Variants in MYPN observed in about 807,000 individuals in gnomAD.
MYPN encodes sarcomeric protein myopalladin, 145 kDa (MYOP).
Under a neutral mutation model 129.4 loss-of-function variants are expected in MYPN, and 63 were observed. The observed-to-expected ratio is 0.49, with a 90% CI of 0.40 to 0.60. The LOEUF is 0.60. Among genes scored for constraint, MYPN ranks in the 20% least tolerant of loss-of-function variants. The pLI, the probability that MYPN is intolerant of heterozygous loss-of-function variation, is 0.00. For synonymous variants in MYPN, 629 were observed against 600.9 expected, an observed-to-expected ratio of 1.05 and a Z score of -0.68; for missense variants, 1,596 against 1,635.4, an observed-to-expected ratio of 0.98 and a Z score of 0.42.
chr10:68,099,187 G>C (rs58173384), intron 1 of MYPN, among the ~76,000 whole-genome samples: 27,817 of 151,982 alleles, frequency 0.18, 4,425 homozygotes, highest in African/African-American at 0.42. Flanking sequence ...ATTTGGGGTG[G>C]CTCCCAAAAT....
At chr10:68,131,630 G>C (rs1397098747) in intron 2 of MYPN, among the ~76,000 whole-genome samples, 1 of 152,128 alleles carries the variant, frequency 6.6e-6, no homozygotes, top group Middle Eastern at 3.2e-3. Context: ...CCTCCTGCCT[G>C]GTTGTCCTGA....
intron 12 of MYPN, among the ~76,000 whole-genome samples, chr10:68,180,847 C>T (rs992281672): frequency 1.3e-5 from 2 of 152,176 alleles, no homozygotes; most frequent in African/African-American, 4.8e-5. Context: ...TTTGAAGAAA[C>T]TTTTTGCTGA....
Position 68,165,739 on chromosome 10 carries a change from A to C in MYPN, c.1521A>C (p.Ala507=). ...ICTLVIAEVF[A]EDSGCFTCTA... is the part of the protein sequence containing the mutation. ...CCTTGGTCATTGCTGAGGTGTTTGC[A>C]GAAGATTCTGGGTGCTTCACATGTA... is the stretch of plus-strand genomic sequence containing the variant. The change falls in exon 9 of 20, where the codon GCA becomes GCC. Residue 507 remains alanine (A), a synonymous_variant. Transcript: ENST00000358913. 6.2e-7 allele frequency: 1 copy of C among 1,614,206 alleles called. No homozygotes were observed. The highest frequency in any genetic ancestry group is 8.5e-7 in the Non-Finnish European group (1 of 1,180,018).
rs1415606478 is a variant in MYPN, at chr10:68,211,195, C to G, written c.*740C>G. 2.2e-6 allele frequency: 1 copy of G among 453,974 alleles called. No individual in the cohort carries two copies. Among genetic ancestry groups the G allele is most frequent in the Non-Finnish European group, 4.4e-6 (1 of 226,776 alleles). The allele number at this position is 453,974 out of a possible 1,614,324, so 28.1% of individuals were successfully genotyped here. On this transcript the variant is annotated 3_prime_UTR_variant, in exon 20 of 20. Transcript: ENST00000358913. ...CTGTTTTTTTCTGACTTTGCATATC[C>G]CTAGACACTAGAACTAAAGGATTGG...
At chr10:68,165,854 T>A (rs114650746) in intron 9 of MYPN, 36 bp downstream of exon 9, 1 of 1,503,956 alleles carries the variant, frequency 6.6e-7, no homozygotes, top group African/African-American at 1.4e-5. Flanking sequence ...GTTTAGCCTA[T>A]GACTTTGAGT....
At chr10:68,091,057 A>T (rs1215732757) in intron 1 of MYPN, among the ~76,000 whole-genome samples, 1 of 152,222 alleles carries the variant, frequency 6.6e-6, no homozygotes, top group Non-Finnish European at 1.5e-5. Flanking sequence ...GTTTTAAAGC[A>T]AACCAAACAG....
In MYPN at chr10:68,175,371, G is replaced by A; in HGVS notation, c.2613G>A (p.Val871=). The A allele has an allele frequency of 6.2e-7, 1 of 1,614,092 alleles. No homozygotes were observed. Among genetic ancestry groups the A allele is most frequent in the African/African-American group, 1.3e-5 (1 of 75,038 alleles). ...AKKNTKSPQP[V]NDDNIRETKN... ...AAAATACAAAGTCTCCTCAACCAGT[G>A]AATGATGATAACATTCGTGAAACTA... Residue 871 remains valine, a synonymous_variant, in exon 12 of 20, where the codon GTG becomes GTA. Transcript: ENST00000358913.
upstream of MYPN, among the ~76,000 whole-genome samples, chr10:68,101,914 C>T (rs989100487): frequency 3.3e-5 from 5 of 151,920 alleles, no homozygotes; most frequent in Non-Finnish European, 7.4e-5. Flanking sequence ...ATTTACTTAT[C>T]CCTATTGACT....
At chr10:68,158,906 T>C (rs1306582659) in intron 7 of MYPN, among the ~76,000 whole-genome samples, 2 of 18,744 alleles carry the variant, frequency 1.1e-4, no homozygotes, top group Non-Finnish European at 3.6e-4. Flanking sequence ...GCCTCCTTAC[T>C]TTTTTTTTTT....
intron 17 of MYPN, among the ~76,000 whole-genome samples, chr10:68,200,766 AAAG>A (rs1457440349): frequency 2.6e-5 from 4 of 152,050 alleles, no homozygotes; most frequent in Non-Finnish European, 2.9e-5. Flanking sequence ...TCAAAAAAAA[AAAG>A]AAGAAGAAAT....
At chr10:68,118,284 T>C (rs1477208191) in intron 1 of MYPN, among the ~76,000 whole-genome samples, 2 of 152,206 alleles carry the variant, frequency 1.3e-5, no homozygotes, top group Non-Finnish European at 2.9e-5. Flanking sequence ...CCCATTATAG[T>C]GGCAAGCCCT....
chr10:68,160,294 G>GGT (rs2042952227), intron 7 of MYPN, among the ~76,000 whole-genome samples: 5 of 151,840 alleles, frequency 3.3e-5, no homozygotes, highest in African/African-American at 1.2e-4. Flanking sequence ...AGCCGGGTGT[G>GGT]GTGGCACGCA....
rs538075104 is a variant in MYPN, at chr10:68,113,873, A to G, written c.-2+4150A>G. Among the ~76,000 whole-genome samples, 226 of 152,306 alleles carry G rather than the reference A, an allele frequency of 1.5e-3. 1 individual carries two copies. The highest frequency in any genetic ancestry group is 4.8e-3 in the African/African-American group (199 of 41,564). ...CTAATTAATATATCCATAGCCTCAC[A>G]TACTTACCACTTTTTTGTGTGGTGA... On this transcript the variant is annotated intron_variant, in intron 1 of 19. Coordinates refer to ENST00000358913, the MANE Select transcript of MYPN (RefSeq NM_032578.4).
chr10:68,137,706 T>C (rs2134046596), intron 2 of MYPN, among the ~76,000 whole-genome samples: 1 of 152,316 alleles, frequency 6.6e-6, no homozygotes, highest in Middle Eastern at 3.4e-3. Flanking sequence ...TTTCCAAACT[T>C]CTAATTTTCC....
At chr10:68,152,429 A>C (rs980730091) in intron 6 of MYPN, among the ~76,000 whole-genome samples, 1 of 152,038 alleles carries the variant, frequency 6.6e-6, no homozygotes, top group African/African-American at 2.4e-5. Flanking sequence ...GTGTGCGCTA[A>C]GAATTTCATT....
intron 12 of MYPN, among the ~76,000 whole-genome samples, chr10:68,176,486 C>G (rs757579602): frequency 4.6e-5 from 7 of 152,250 alleles, no homozygotes; most frequent in Non-Finnish European, 8.8e-5. Context: ...TCTCGACTTC[C>G]CAGACCATAT....
intron 1 of MYPN, among the ~76,000 whole-genome samples, chr10:68,119,825 C>T (rs1327841881): frequency 1.3e-5 from 2 of 152,206 alleles, no homozygotes; most frequent in Non-Finnish European, 2.9e-5. Context: ...AAATATTTTA[C>T]TGTGGATGGT....
intron 12 of MYPN, among the ~76,000 whole-genome samples, chr10:68,175,997 C>G (rs1329641909): frequency 6.6e-6 from 1 of 152,148 alleles, no homozygotes; most frequent in African/African-American, 2.4e-5. Flanking sequence ...CCTGCCTCAG[C>G]CTTCCAAAGT....
intron 12 of MYPN, 138 bp downstream of exon 12, chr10:68,175,599 A>C: frequency 1.1e-6 from 1 of 942,454 alleles, no homozygotes; most frequent in Non-Finnish European, 1.7e-6. Context: ...AGACTAACCA[A>C]AGGTCATGTG....
Sources: allele counts gnomAD v4.1 joint callset (sites outside exome capture counted in the v4.1 genomes callset), GRCh38; gene constraint gnomAD v4.1.1; transcripts MANE v1.5; gene names NCBI Gene and HGNC (gene_info 2026-07-23, HGNC 2026-07-21).